PDGFRA: variants seen among roughly 807,000 people sequenced by gnomAD.
PDGFRA encodes platelet-derived growth factor receptor alpha.
PDGFRA carries 25 observed loss-of-function variants against 121.5 expected under a neutral mutation model. The ratio of observed to expected loss-of-function variants is 0.21; its 90% CI spans 0.15 to 0.29. The LOEUF (loss-of-function observed/expected upper bound fraction) is 0.29. Among genes scored for constraint, PDGFRA ranks in the 10% least tolerant of loss-of-function variants. The pLI is 1.00. For missense variants in PDGFRA, 1,008 were observed against 1,345.1 expected, an observed-to-expected ratio of 0.75 and a Z score of 3.92; for synonymous variants, 463 against 494.8, an observed-to-expected ratio of 0.94 and a Z score of 0.85.
rs190236785 is a variant in PDGFRA, at chr4:54,232,487, G to A, written c.-13+3072G>A. 2.0e-5 allele frequency among the ~76,000 whole-genome samples: 3 copies of A among 152,342 alleles called. No homozygotes were observed. In the East Asian group the frequency reaches 5.8e-4, roughly 29 times the overall value. ...TCCCTGCCTCCTACTGCAGTTTCTC[G>A]GCCCCCGCGAAAGGGGAGCGACAAG... On this transcript the variant is annotated intron_variant, in intron 1 of 22. Transcript: ENST00000257290.
chr4:54,294,984 G>A (rs1188499055), intron 22 of PDGFRA, 141 bp from the exon 23 acceptor site: 2 of 829,834 alleles, frequency 2.4e-6, no homozygotes, highest in Non-Finnish European at 2.0e-6. Context: ...ACCACAGCAT[G>A]TCAGGCCTGG....
At chr4:54,291,960 G>C (rs1724654650) in intron 22 of PDGFRA, among the ~76,000 whole-genome samples, 1 of 151,986 alleles carries the variant, frequency 6.6e-6, no homozygotes, top group Admixed American at 6.6e-5. Flanking sequence ...AAAAGAACAA[G>C]ATCTGAGATA....
intron 14 of PDGFRA, 127 bp from the exon 15 acceptor site, chr4:54,278,235 A>C (rs74350069): frequency 6.8e-6 from 2 of 296,268 alleles, no homozygotes; most frequent in African/African-American, 2.5e-5. Context: ...AAAAAAAAAA[A>C]AAAAAAAAAA....
chr4:54,259,766 T>C (rs2110237772), intron 2 of PDGFRA, among the ~76,000 whole-genome samples: 1 of 152,320 alleles, frequency 6.6e-6, no homozygotes, highest in Middle Eastern at 3.4e-3. Flanking sequence ...AATCCTATCT[T>C]AACAAGCTTT....
chr4:54,290,531 C>A lies in PDGFRA; in HGVS notation c.3099C>A (p.Asp1033Glu). Residue 1033 changes from aspartate (D) to glutamate (E), a missense_variant, in exon 22 of 23, where the codon GAC (aspartate) becomes GAA (glutamate). By Grantham distance (45) the Asp-to-Glu change is conservative (BLOSUM62 2). This residue lies in a region of PDGFRA where 204 missense variants were observed against 243.0 expected (regional missense o/e 0.84). Transcript: ENST00000257290. The part of the protein sequence containing the change: ...PDIDPVPEEE[D>E]LGKRNRHSSQ... ...TTGACCCTGTCCCTGAGGAGGAGGA[C>A]CTGGGCAAGAGGAACAGACACAGGT... 1 of 1,614,152 alleles carries A rather than the reference C, an allele frequency of 6.2e-7. No individual in the cohort carries two copies. Among genetic ancestry groups the A allele is most frequent in the Non-Finnish European group, 8.5e-7 (1 of 1,180,000 alleles).
rs116440198 is a variant in PDGFRA at position 54,275,603 on chromosome 4, G to A, written c.1786+630G>A. Reference sequence around the variant, plus strand: ...AAATGAAAGTAGAGGTAGAGGTTGTGTTATGATGAATGATCTAACAGTATA... The same window carrying A: ...AAATGAAAGTAGAGGTAGAGGTTGTATTATGATGAATGATCTAACAGTATA... On this transcript the variant is annotated intron_variant, in intron 12 of 22. Coordinates refer to ENST00000257290, the MANE Select transcript of PDGFRA (RefSeq NM_006206.6). 6.3e-3 allele frequency among the ~76,000 whole-genome samples: 963 copies of A among 152,334 alleles called. 11 individuals are homozygous for A. The highest frequency in any genetic ancestry group is 0.022 in the African/African-American group (911 of 41,562).
At chr4:54,269,909 C>T (rs1195373674) in intron 7 of PDGFRA, among the ~76,000 whole-genome samples, 1 of 151,828 alleles carries the variant, frequency 6.6e-6, no homozygotes, top group Admixed American at 6.6e-5. Context: ...ACCTTGGCCT[C>T]CCAAAGTGCT....
intron 1 of PDGFRA, among the ~76,000 whole-genome samples, chr4:54,239,075 T>C (rs758382291): frequency 2.6e-5 from 4 of 152,242 alleles, no homozygotes; most frequent in Non-Finnish European, 5.9e-5. Flanking sequence ...AAGTGACCTC[T>C]GGTCATCCCT....
intron 12 of PDGFRA, 47 bp from the exon 13 acceptor site, chr4:54,277,338 TGAG>T (rs1357756222): frequency 7.1e-6 from 9 of 1,273,162 alleles, no homozygotes; most frequent in Non-Finnish European, 6.9e-6. Flanking sequence ...TGCAGAAAGC[TGAG>T]GAGGCGTCTG....
At chr4:54,247,195 G>A (rs1721731037) in intron 1 of PDGFRA, among the ~76,000 whole-genome samples, 1 of 152,144 alleles carries the variant, frequency 6.6e-6, no homozygotes, top group East Asian at 1.9e-4. Context: ...TAGAAAAAGA[G>A]GGAATCCTCC....
chr4:54,257,586 C>T (rs1722442014), intron 1 of PDGFRA, among the ~76,000 whole-genome samples: 1 of 152,150 alleles, frequency 6.6e-6, no homozygotes, highest in Non-Finnish European at 1.5e-5. Context: ...AAACTGGGGG[C>T]TCTGCCCAGG....
At chr4:54,243,853 C>T (rs1159928508) in intron 1 of PDGFRA, among the ~76,000 whole-genome samples, 10 of 152,194 alleles carry the variant, frequency 6.6e-5, no homozygotes, top group Non-Finnish European at 1.2e-4. Context: ...AATCGGGTCA[C>T]TCCCACCCCA....
chr4:54,248,976 C>T (rs964332357), intron 1 of PDGFRA, among the ~76,000 whole-genome samples: 2 of 152,108 alleles, frequency 1.3e-5, no homozygotes, highest in Non-Finnish European at 1.5e-5. Flanking sequence ...AAATGCTCAC[C>T]ATCACTGGCC....
Position 54,297,925 on chromosome 4 carries a change from A to G in PDGFRA, c.*2653A>G, listed in dbSNP as rs1724957014. The stretch of plus-strand genomic sequence containing the variant: ...CATCAATATGTATATATGTATTTCT[A>G]TATAGACTTGGAGAATACTGCCAAA... On this transcript the variant is annotated 3_prime_UTR_variant, in exon 23 of 23. Coordinates refer to ENST00000257290, the MANE Select transcript of PDGFRA (RefSeq NM_006206.6). The G allele has an allele frequency of 4.3e-6, 1 of 233,010 alleles. No homozygotes were observed. The highest frequency in any genetic ancestry group is 8.5e-6 in the Non-Finnish European group (1 of 117,734). 14.4% of individuals were successfully genotyped at this position (233,010 alleles called of 1,614,324 possible). A position where few individuals can be genotyped will look rare whatever the true frequency, so the allele number is the denominator to read the frequency against.
chr4:54,252,304 T>A (rs779746615), intron 1 of PDGFRA, among the ~76,000 whole-genome samples: 10 of 152,230 alleles, frequency 6.6e-5, no homozygotes, highest in Non-Finnish European at 1.3e-4. Context: ...TGATTTTGTT[T>A]TACTGTTGTG....
At position 54,296,568 on chromosome 4, in the gene PDGFRA, T is replaced by C. The variant is rs530844591; in HGVS notation, c.*1296T>C. On this transcript the variant is annotated 3_prime_UTR_variant, in exon 23 of 23. Coordinates refer to ENST00000257290, the MANE Select transcript of PDGFRA (RefSeq NM_006206.6). ...AGTGGAGGCTGGATGTGCATTAGCC[T>C]GGATCCTCAGTTCTCAAATGTGTGT... 8 of 232,610 alleles carry C rather than the reference T, an allele frequency of 3.4e-5. No homozygotes were observed. Among genetic ancestry groups the C allele is most frequent in the African/African-American group, 8.8e-5 (4 of 45,438 alleles). The allele number at this position is 232,610 out of a possible 1,614,324, so 14.4% of individuals were successfully genotyped here.
chr4:54,274,830 G>A lies in PDGFRA; in HGVS notation c.1654-11G>A, dbSNP rs2110299022. On this transcript the variant is annotated splice_polypyrimidine_tract_variant and intron_variant, in intron 11 of 22. Transcript: ENST00000257290. ...GGTAATTCACCAGTTACCTGTCCTGGTCATTTATAGAAACCGAGGTATGAA... is the reference window on the plus strand; with the variant it reads ...GGTAATTCACCAGTTACCTGTCCTGATCATTTATAGAAACCGAGGTATGAA... 6.2e-7 allele frequency: 1 copy of A among 1,614,032 alleles called. No homozygotes were observed. The highest frequency in any genetic ancestry group is 8.5e-7 in the Non-Finnish European group (1 of 1,179,954).
rs1382903773 is a variant in PDGFRA at position 54,277,444 on chromosome 4, T to A, written c.1843T>A (p.Leu615Ile). 6.2e-7 allele frequency: 1 copy of A among 1,613,984 alleles called. No individual in the cohort carries two copies. The highest frequency in any genetic ancestry group is 8.5e-7 in the Non-Finnish European group (1 of 1,180,008). The change falls in exon 13 of 23, where the codon TTA becomes ATA. Residue 615 changes from leucine to isoleucine, a missense_variant. By Grantham distance (5) the Leu-to-Ile change is conservative. Transcript: ENST00000257290. ...GGTGGTTGAAGGAACAGCCTATGGA[T>A]TAAGCCGGTCCCAACCTGTCATGAA... ...GKVVEGTAYGLSRSQPVMKVA... is the reference protein window; with the variant it reads ...GKVVEGTAYGISRSQPVMKVA...
In PDGFRA at chr4:54,258,789, G is replaced by C. The variant is rs200090515; in HGVS notation, c.21G>C (p.Ala7=). MGTSHP[A]FLVLGCLLTG... The stretch of plus-strand genomic sequence containing the variant: ...GAGCTATGGGGACTTCCCATCCGGC[G>C]TTCCTGGTCTTAGGCTGTCTTCTCA... The change falls in exon 2 of 23, where the codon GCG becomes GCC. Residue 7 remains alanine, a synonymous_variant. Coordinates refer to ENST00000257290, the MANE Select transcript of PDGFRA (RefSeq NM_006206.6). 6.2e-7 allele frequency: 1 copy of C among 1,613,568 alleles called. No individual in the cohort carries two copies. The highest frequency in any genetic ancestry group is 1.7e-5 in the Admixed American group (1 of 60,008).
Sources: gnomAD v4.1 joint callset for allele counts (sites outside exome capture counted in the v4.1 genomes callset) on GRCh38, gnomAD v4.1.1 for gene constraint, gnomAD v4.1.1 regional missense constraint, MANE v1.5 for transcripts, NCBI Gene and HGNC (gene_info 2026-07-23, HGNC 2026-07-21) for gene names.